Variants in CMC1 observed in about 807,000 individuals in gnomAD.
CMC1 encodes the protein C-X9-C motif containing 1, also known as COX assembly mitochondrial protein homolog.
CMC1 carries 14 observed loss-of-function variants against 14.1 expected under a neutral mutation model. That is an observed-to-expected ratio of 0.99 (90% CI 0.66 to 1.55). The LOEUF (loss-of-function observed/expected upper bound fraction) is 1.55, where lower values mean the gene tolerates loss of function less well. Ranked by LOEUF, CMC1 falls within the 40% of genes most tolerant of loss-of-function variation. The pLI, the probability that CMC1 is intolerant of heterozygous loss-of-function variation, is 0.00. For missense variants in CMC1, 127 were observed against 123.8 expected (o/e 1.03, Z -0.12); for synonymous variants, 50 against 38.4 (o/e 1.30, Z -1.12).
intron 2 of CMC1, among the ~76,000 whole-genome samples, chr3:28,314,623 A>G (rs904495674): frequency 3.9e-5 from 6 of 152,206 alleles, no homozygotes; most frequent in Non-Finnish European, 8.8e-5. Context: ...GTGATCACAC[A>G]CATTAAATTA....
Position 28,241,760 on chromosome 3 carries a change from C to T in CMC1, c.-34C>T. 3 of 1,241,688 alleles carry T rather than the reference C, an allele frequency of 2.4e-6. No individual in the cohort carries two copies. Among genetic ancestry groups the T allele is most frequent in the South Asian group, 4.1e-5 (1 of 24,336 alleles). The allele number at this position is 1,241,688 out of a possible 1,614,324, so 76.9% of individuals were successfully genotyped here. ...CTCCCCTTCCTGCGTGCCCCGGAGC[C>T]GCCAAGCGGCTACGTTCTTCTCGGC... is the stretch of plus-strand genomic sequence containing the variant. On this transcript the variant is annotated 5_prime_UTR_variant, in exon 1 of 4. Transcript: ENST00000466830.
At chr3:28,277,445 A>C (rs938579176) in intron 2 of CMC1, among the ~76,000 whole-genome samples, 1 of 152,208 alleles carries the variant, frequency 6.6e-6, no homozygotes, top group African/African-American at 2.4e-5. Context: ...GTCAGTTACC[A>C]TTTTATAACA....
intron 2 of CMC1, among the ~76,000 whole-genome samples, chr3:28,312,000 G>T (rs1702660530): frequency 1.3e-5 from 2 of 152,084 alleles, no homozygotes; most frequent in African/African-American, 4.8e-5. Context: ...ATTCCTATTT[G>T]TAGAGTTGAT....
chr3:28,256,347 C>T lies in CMC1; in HGVS notation c.20-6944C>T, dbSNP rs956029628. Among the ~76,000 whole-genome samples, 20 of 152,122 alleles carry T rather than the reference C, an allele frequency of 1.3e-4. 1 individual carries two copies. On this transcript the variant is annotated intron_variant, in intron 1 of 3. Transcript: ENST00000466830. The stretch of plus-strand genomic sequence containing the variant: ...TGGAATTCTTGATCTTGAGCTGAAG[C>T]TGCAGTCAGCAAGTGTAATTCTTCA...
chr3:28,302,999 A>G (rs886784328), intron 2 of CMC1, among the ~76,000 whole-genome samples: 2 of 152,166 alleles, frequency 1.3e-5, no homozygotes, highest in African/African-American at 4.8e-5. Flanking sequence ...CTGGTTCTAA[A>G]CCAATCTATG....
rs1234490332 is a variant in CMC1, at chr3:28,300,623, CTCCCTCCATCCCTT to C, written c.110-15702_110-15689del. Among the ~76,000 whole-genome samples the C allele has an allele frequency of 2.5e-4, 34 of 134,204 alleles. 1 individual carries two copies. The highest frequency in any genetic ancestry group is 1.1e-3 in the African/African-American group (34 of 31,978). The allele number at this position is 134,204 out of a possible 152,430, so 88.0% of individuals were successfully genotyped here. ...CCTTCCTTCCTTCCTCCCTCCCTCC[CTCCCTCCATCCCTT>C]TCCCTCCCTCCATCCCTTTCCCTCC... On this transcript the variant is annotated intron_variant, in intron 2 of 3. Coordinates refer to ENST00000466830, the MANE Select transcript of CMC1 (RefSeq NM_182523.2).
At chr3:28,251,826 GGA>G (rs1278333003) in intron 1 of CMC1, among the ~76,000 whole-genome samples, 2 of 93,480 alleles carry the variant, frequency 2.1e-5, no homozygotes, top group Non-Finnish European at 2.6e-5. Flanking sequence ...ATTTATATGA[GGA>G]AAAAAAGTAA....
intron 2 of CMC1, among the ~76,000 whole-genome samples, chr3:28,294,238 G>A (rs759801602): frequency 4.6e-5 from 7 of 152,098 alleles, no homozygotes; most frequent in Non-Finnish European, 1.0e-4. Flanking sequence ...ATGAATTGCA[G>A]TCAGGAGAAC....
intron 2 of CMC1, among the ~76,000 whole-genome samples, chr3:28,269,109 CA>C (rs1419922337): frequency 2.6e-5 from 4 of 152,096 alleles, no homozygotes; most frequent in African/African-American, 4.8e-5. Flanking sequence ...CAAATTTTAT[CA>C]GGGGTATGTA....
chr3:28,324,520 CTT>C lies in CMC1; in HGVS notation c.*4892_*4893del. 7.5e-7 allele frequency: 1 copy of C among 1,331,636 alleles called. No individual in the cohort carries two copies. Among genetic ancestry groups the C allele is most frequent in the South Asian group, 2.2e-5 (1 of 44,502 alleles). 82.5% of individuals were successfully genotyped at this position (1,331,636 alleles called of 1,614,324 possible). On this transcript the variant is annotated 3_prime_UTR_variant, in exon 4 of 4. Coordinates refer to ENST00000466830, the MANE Select transcript of CMC1 (RefSeq NM_182523.2). ...TTTGTGATCATAAAATTCGATAACA[CTT>C]CACCAATTTGAATTCTAGAACTGGT...
intron 1 of CMC1, among the ~76,000 whole-genome samples, chr3:28,261,961 C>A (rs1699758243): frequency 6.6e-6 from 1 of 152,166 alleles, no homozygotes; most frequent in Non-Finnish European, 1.5e-5. Context: ...CAAGGATCAA[C>A]TGTAATAAGG....
At chr3:28,272,338 A>T (rs1451310268) in intron 2 of CMC1, among the ~76,000 whole-genome samples, 1 of 152,148 alleles carries the variant, frequency 6.6e-6, no homozygotes, top group African/African-American at 2.4e-5. Context: ...CTCATTCAGT[A>T]TGATGTTGGC....
At chr3:28,253,456 C>T (rs1330922582) in intron 1 of CMC1, among the ~76,000 whole-genome samples, 1 of 152,082 alleles carries the variant, frequency 6.6e-6, no homozygotes, top group African/African-American at 2.4e-5. Flanking sequence ...TGGTGTGTGC[C>T]TGTGTTTCCA....
intron 3 of CMC1, chr3:28,316,916 C>T (rs1471141496): frequency 1.3e-5 from 2 of 152,024 alleles, no homozygotes; most frequent in Non-Finnish European, 2.9e-5. Context: ...TTTATAATAT[C>T]GTGTTCACTA....
At position 28,321,229 on chromosome 3, in the gene CMC1, C is replaced by T. The variant is rs987685538; in HGVS notation, c.*1600C>T. ...AAACATGCCCATATTTCCACATTGA[C>T]CTTTGGTATTGGTGCATTTCCTAGA... On this transcript the variant is annotated 3_prime_UTR_variant, in exon 4 of 4. Transcript: ENST00000466830. 6.6e-6 allele frequency: 1 copy of T among 151,282 alleles called. No individual in the cohort carries two copies. Among genetic ancestry groups the T allele is most frequent in the Non-Finnish European group, 1.5e-5 (1 of 67,514 alleles). The allele number at this position is 151,282 out of a possible 1,614,324, so 9.4% of individuals were successfully genotyped here. A position where few individuals can be genotyped will look rare whatever the true frequency, so the allele number is the denominator to read the frequency against.
intron 3 of CMC1, chr3:28,319,259 C>A (rs1341918534): frequency 7.5e-6 from 4 of 530,798 alleles, no homozygotes; most frequent in South Asian, 4.6e-5. Flanking sequence ...GTCCTTTACA[C>A]CGTGGGTTCC....
intron 2 of CMC1, among the ~76,000 whole-genome samples, chr3:28,283,389 C>T (rs1700996448): frequency 6.6e-6 from 1 of 151,732 alleles, no homozygotes; most frequent in Admixed American, 6.6e-5. Flanking sequence ...TGTCATGGCG[C>T]ATGCCTGTAA....
At chr3:28,251,872 A>G (rs570485336) in intron 1 of CMC1, among the ~76,000 whole-genome samples, 2 of 152,324 alleles carry the variant, frequency 1.3e-5, no homozygotes, top group East Asian at 1.9e-4. Flanking sequence ...GGCCACAGGT[A>G]TGCTGTCATT....
chr3:28,300,649 A>ATACCTTTCCC (rs1701985843), intron 2 of CMC1, among the ~76,000 whole-genome samples: 1 of 38,294 alleles, frequency 2.6e-5, no homozygotes, highest in Admixed American at 3.1e-4. Context: ...CCCTCCCTCC[A>ATACCTTTCCC]TCCCTTTCCC....
Sources: allele counts gnomAD v4.1 joint callset (sites outside exome capture counted in the v4.1 genomes callset), GRCh38; gene constraint gnomAD v4.1.1; transcripts MANE v1.5; gene names NCBI Gene and HGNC (gene_info 2026-07-23, HGNC 2026-07-21).